Variants in CAST observed in about 807,000 individuals in gnomAD.
The protein encoded by CAST is calpastatin, also known as MIR583 host.
In CAST, 76 loss-of-function variants were observed where a neutral mutation model predicts 119.6. The ratio of observed to expected loss-of-function variants is 0.64; its 90% CI spans 0.53 to 0.77. The LOEUF (loss-of-function observed/expected upper bound fraction) is 0.77. Among genes scored for constraint, CAST ranks in the 30% least tolerant of loss-of-function variants. The pLI is 0.00. For synonymous variants in CAST, 319 were observed against 331.6 expected (o/e 0.96, Z 0.41); for missense variants, 953 against 946.5 (o/e 1.01, Z -0.09).
intron 1 of CAST, among the ~76,000 whole-genome samples, chr5:96,591,010 A>G (rs1180223879): frequency 1.3e-5 from 2 of 152,178 alleles, no homozygotes; most frequent in Non-Finnish European, 2.9e-5. Context: ...TGTTCTCCAT[A>G]GTGAGAAAAC....
the CAST span, among the ~76,000 whole-genome samples, chr5:96,025,426 C>A: frequency 6.6e-6 from 1 of 152,138 alleles, no homozygotes; most frequent in Non-Finnish European, 1.5e-5. Flanking sequence ...AAGACTCCAC[C>A]CCCAATACCA....
intron 3 of CAST, among the ~76,000 whole-genome samples, chr5:96,696,704 AAATTAGCCAGGCTTGGTGATGC>A (rs1753337729): frequency 6.6e-6 from 1 of 150,960 alleles, no homozygotes; most frequent in African/African-American, 2.4e-5. Flanking sequence ...AAAAAATTAA[AAATTAGCCAGGCTTGGTGATGC>A]GTGCCTATAG....
the CAST span, among the ~76,000 whole-genome samples, chr5:96,336,269 A>G: frequency 6.6e-6 from 1 of 152,298 alleles, no homozygotes; most frequent in Admixed American, 6.5e-5. Context: ...TTACTTGCAC[A>G]TTTACCAATA....
intron 1 of CAST, among the ~76,000 whole-genome samples, chr5:96,544,767 A>G (rs2150180712): frequency 1.3e-5 from 2 of 152,176 alleles, no homozygotes; most frequent in East Asian, 3.9e-4. Context: ...ACATATCGAT[A>G]ATCACCTTCA....
At chr5:96,450,319 T>C in the CAST span, among the ~76,000 whole-genome samples, 2 of 152,252 alleles carry the variant, frequency 1.3e-5, no homozygotes, top group African/African-American at 2.4e-5. Flanking sequence ...GACATCATTG[T>C]TCTTAGTGAA....
chr5:95,998,154 A>G, the CAST span, among the ~76,000 whole-genome samples: 14 of 151,872 alleles, frequency 9.2e-5, no homozygotes, highest in Non-Finnish European at 1.5e-4. Flanking sequence ...GGTATATTTT[A>G]CATCTCATAA....
At chr5:96,448,512 T>A in the CAST span, among the ~76,000 whole-genome samples, 12 of 152,208 alleles carry the variant, frequency 7.9e-5, no homozygotes, top group Non-Finnish European at 1.6e-4. Context: ...CCGTGCCCCC[T>A]ATTGACTGTT....
chr5:96,227,304 C>T, the CAST span, among the ~76,000 whole-genome samples: 10 of 152,064 alleles, frequency 6.6e-5, no homozygotes. Flanking sequence ...AAGATAATCA[C>T]TTGTGCTTTT....
chr5:96,485,044 A>G, the CAST span, among the ~76,000 whole-genome samples: 2 of 152,184 alleles, frequency 1.3e-5, no homozygotes, highest in African/African-American at 4.8e-5. Flanking sequence ...CTTATATTGT[A>G]ATCTTGGGGT....
chr5:96,329,301 A>G, the CAST span, among the ~76,000 whole-genome samples: 1 of 152,248 alleles, frequency 6.6e-6, no homozygotes, highest in East Asian at 1.9e-4. Flanking sequence ...TTAAAATGTC[A>G]GCATATTACT....
chr5:96,696,788 C>T (rs185583342), intron 3 of CAST, among the ~76,000 whole-genome samples: 18 of 151,490 alleles, frequency 1.2e-4, no homozygotes, highest in African/African-American at 3.9e-4. Flanking sequence ...TCTGGGAGGT[C>T]GAGGCTGCAG....
At chr5:96,147,858 C>T in the CAST span, among the ~76,000 whole-genome samples, 3 of 152,198 alleles carry the variant, frequency 2.0e-5, no homozygotes, top group African/African-American at 7.2e-5. Flanking sequence ...TTAAAACCAT[C>T]TTATGGTCAT....
At chr5:96,210,597 T>A in the CAST span, among the ~76,000 whole-genome samples, 47 of 152,152 alleles carry the variant, frequency 3.1e-4, no homozygotes, top group Middle Eastern at 6.8e-3. Context: ...TATAGCTACA[T>A]AATAAGTCTT....
At chr5:96,321,505 C>G in the CAST span, among the ~76,000 whole-genome samples, 2 of 152,184 alleles carry the variant, frequency 1.3e-5, no homozygotes. Context: ...GGATGGTTGT[C>G]TTGAAATTTC....
the CAST span, among the ~76,000 whole-genome samples, chr5:96,035,201 TA>T: frequency 2.5e-4 from 26 of 105,606 alleles, no homozygotes; most frequent in Admixed American, 9.0e-4. Context: ...TAAGTATATA[TA>T]AAAAATATAT....
chr5:96,108,798 C>A, the CAST span, among the ~76,000 whole-genome samples: 1 of 152,254 alleles, frequency 6.6e-6, no homozygotes, highest in Non-Finnish European at 1.5e-5. Flanking sequence ...CAAGCCTGGG[C>A]AATGGCAGGC....
At chr5:96,166,939 A>AAT in the CAST span, among the ~76,000 whole-genome samples, 2 of 152,266 alleles carry the variant, frequency 1.3e-5, no homozygotes, top group Non-Finnish European at 2.9e-5. Context: ...TTCCAGTGGG[A>AAT]TTACGAGCGG....
the CAST span, among the ~76,000 whole-genome samples, chr5:96,415,093 A>C: frequency 1.3e-5 from 2 of 152,216 alleles, no homozygotes; most frequent in Non-Finnish European, 2.9e-5. Context: ...CATAACATGA[A>C]AGCCTGAGGT....
the CAST span, among the ~76,000 whole-genome samples, chr5:96,039,060 C>A: frequency 6.6e-6 from 1 of 152,078 alleles, no homozygotes; most frequent in East Asian, 1.9e-4. Context: ...TAATGATCAC[C>A]ATTCTGAGTG....
Sources: gnomAD v4.1 joint callset for allele counts (sites outside exome capture counted in the v4.1 genomes callset) on GRCh38, gnomAD v4.1.1 for gene constraint, MANE v1.5 for transcripts, NCBI Gene and HGNC (gene_info 2026-07-23, HGNC 2026-07-21) for gene names.